FBXL4: variants seen among roughly 807,000 people sequenced by gnomAD.
The protein encoded by FBXL4 is F-box/LRR-repeat protein 4.
FBXL4 carries 40 observed loss-of-function variants against 58.9 expected under a neutral mutation model. The ratio of observed to expected loss-of-function variants is 0.68; its 90% CI spans 0.53 to 0.88. The LOEUF is 0.88. FBXL4 is among the 40% of genes least tolerant of loss of function. FBXL4 has a pLI of 0.00. For missense variants in FBXL4, 676 were observed against 734.4 expected (o/e 0.92, Z 0.92); for synonymous variants, 263 against 265.5 (o/e 0.99, Z 0.09).
chr6:98,938,038 AC>A (rs1773287950), intron 1 of FBXL4, among the ~76,000 whole-genome samples: 1 of 77,884 alleles, frequency 1.3e-5, no homozygotes, highest in Non-Finnish European at 2.6e-5. Context: ...CTCCCCCTGC[AC>A]CCTTTTTTTT....
chr6:98,915,289 T>G (rs1772293599), intron 5 of FBXL4, among the ~76,000 whole-genome samples: 1 of 152,124 alleles, frequency 6.6e-6, no homozygotes, highest in Non-Finnish European at 1.5e-5. Flanking sequence ...AAGCTACCAA[T>G]GAATTTCTTC....
chr6:98,947,025 A>T (rs560405436), intron 1 of FBXL4, among the ~76,000 whole-genome samples: 183 of 152,384 alleles, frequency 1.2e-3, no homozygotes, highest in Middle Eastern at 6.8e-3. Flanking sequence ...CAAAGCAAGC[A>T]GAGATCCCTG....
chr6:98,914,461 T>A (rs1268386846), intron 5 of FBXL4, among the ~76,000 whole-genome samples: 3 of 152,186 alleles, frequency 2.0e-5, no homozygotes, highest in African/African-American at 7.2e-5. Context: ...ATCAAAAAGC[T>A]TATCCACCAT....
Position 98,917,710 on chromosome 6 carries a change from A to G in FBXL4, c.522T>C (p.Ile174=), listed in dbSNP as rs2128401024. The G allele has an allele frequency of 6.3e-7, 1 of 1,593,746 alleles. No individual in the cohort carries two copies. The highest frequency in any genetic ancestry group is 1.8e-5 in the Admixed American group (1 of 55,742). The change falls in exon 5 of 10, where the codon ATT becomes ATC. Residue 174 remains isoleucine, a synonymous_variant. Transcript: ENST00000369244. ...CCTTCGTAGGTCTCTCTGACCAAAGAATCTCCCATCTGCCAAAAAAAGAAA... is the reference window on the plus strand; with the variant it reads ...CCTTCGTAGGTCTCTCTGACCAAAGGATCTCCCATCTGCCAAAAAAAGAAA... ...PNPPAEVRWE[I]LWSERPTKVN...
intron 7 of FBXL4, among the ~76,000 whole-genome samples, chr6:98,889,402 C>A (rs991464660): frequency 1.3e-5 from 2 of 152,250 alleles, no homozygotes; most frequent in Admixed American, 1.3e-4. Context: ...ACAATGACTA[C>A]AATGACTACT....
chr6:98,918,856 G>T (rs1772472604), intron 4 of FBXL4, among the ~76,000 whole-genome samples: 1 of 151,972 alleles, frequency 6.6e-6, no homozygotes, highest in African/African-American at 2.4e-5. Context: ...ATAATCTCTA[G>T]TTTCATAGTG....
chr6:98,904,185 T>A (rs984840679), intron 6 of FBXL4, among the ~76,000 whole-genome samples: 1 of 152,134 alleles, frequency 6.6e-6, no homozygotes, highest in Non-Finnish European at 1.5e-5. Flanking sequence ...TCTTTCTTGG[T>A]CCTATTAGCA....
Position 98,914,825 on chromosome 6 carries a change from T to G in FBXL4, c.858+2549A>C, listed in dbSNP as rs558001006. Among the ~76,000 whole-genome samples the G allele has an allele frequency of 2.4e-3, 364 of 152,212 alleles. 1 individual carries two copies. Among genetic ancestry groups the G allele is most frequent in the African/African-American group, 8.4e-3 (347 of 41,538 alleles). Reference sequence around the variant, plus strand: ...TGTTGGAAGTTCTGGCCAGGGCAATTAGGCAGGAGAAGGAAATAAAGGGTA... The same window carrying G: ...TGTTGGAAGTTCTGGCCAGGGCAATGAGGCAGGAGAAGGAAATAAAGGGTA... On this transcript the variant is annotated intron_variant, in intron 5 of 9. Transcript: ENST00000369244.
intron 5 of FBXL4, among the ~76,000 whole-genome samples, chr6:98,915,022 A>G (rs1369269530): frequency 2.0e-5 from 3 of 152,210 alleles, no homozygotes; most frequent in African/African-American, 7.2e-5. Context: ...TTATACACCA[A>G]TAACAGACAA....
At chr6:98,906,259 G>A (rs1160385736) in intron 5 of FBXL4, among the ~76,000 whole-genome samples, 1 of 151,598 alleles carries the variant, frequency 6.6e-6, no homozygotes, top group African/African-American at 2.4e-5. Flanking sequence ...AAGTGCCATG[G>A]TGTTTTGCTG....
At chr6:98,891,692 C>T (rs895645065) in intron 7 of FBXL4, among the ~76,000 whole-genome samples, 18 of 146,364 alleles carry the variant, frequency 1.2e-4, no homozygotes, top group African/African-American at 4.1e-4. Flanking sequence ...TGAGACCAGC[C>T]TGAGAAACAC....
Position 98,917,342 on chromosome 6 carries a change from TC to T in FBXL4, c.858+31del, listed in dbSNP as rs1390579292. 4 of 1,450,088 alleles carry T rather than the reference TC, an allele frequency of 2.8e-6. No individual in the cohort carries two copies. The African/African-American group carries it at 5.6e-5, about 20-fold the overall frequency. 89.8% of individuals were successfully genotyped at this position (1,450,088 alleles called of 1,614,324 possible). ...AAGATTAAAAATCTATAGTGTTATA[TC>T]CAATACTGCTGCTAAATATTTTTGG... On this transcript the variant is annotated intron_variant, in intron 5 of 9. Coordinates refer to ENST00000369244, the MANE Select transcript of FBXL4 (RefSeq NM_001278716.2).
chr6:98,875,191 C>A, intron 9 of FBXL4: 2 of 542,316 alleles, frequency 3.7e-6, no homozygotes, highest in Non-Finnish European at 6.5e-6. Context: ...TTTACAGTTT[C>A]AACTATAAAA....
At chr6:98,947,782 G>A (rs1380550043) in intron 1 of FBXL4, 24 bp downstream of exon 1, 7 of 152,224 alleles carry the variant, frequency 4.6e-5, no homozygotes, top group African/African-American at 1.4e-4. Context: ...CCCACGGGAG[G>A]GAGAAGTAAA....
At chr6:98,945,508 C>T (rs567405758) in intron 1 of FBXL4, among the ~76,000 whole-genome samples, 1 of 152,292 alleles carries the variant, frequency 6.6e-6, no homozygotes, top group Admixed American at 6.5e-5. Context: ...GGTGGGCACA[C>T]AGCACTTTCA....
intron 7 of FBXL4, among the ~76,000 whole-genome samples, chr6:98,882,566 A>G (rs1011231599): frequency 5.9e-5 from 9 of 152,082 alleles, no homozygotes; most frequent in Admixed American, 3.9e-4. Flanking sequence ...AATCTCAAAT[A>G]TACAAACAAG....
intron 5 of FBXL4, among the ~76,000 whole-genome samples, chr6:98,907,715 T>C (rs1481375710): frequency 6.6e-6 from 1 of 152,210 alleles, no homozygotes; most frequent in Non-Finnish European, 1.5e-5. Flanking sequence ...AGCTAAACTT[T>C]TTGTTTTGCA....
intron 7 of FBXL4, among the ~76,000 whole-genome samples, chr6:98,881,159 A>G (rs893876477): frequency 6.6e-6 from 1 of 152,168 alleles, no homozygotes; most frequent in Non-Finnish European, 1.5e-5. Context: ...TGACAAGGAT[A>G]CCAACAACCA....
chr6:98,902,758 A>T (rs1771661669), intron 6 of FBXL4, among the ~76,000 whole-genome samples: 1 of 152,102 alleles, frequency 6.6e-6, no homozygotes, highest in Non-Finnish European at 1.5e-5. Flanking sequence ...CAAAGCACAA[A>T]CAGGCAGGCA....
Sources: allele counts gnomAD v4.1 joint callset (sites outside exome capture counted in the v4.1 genomes callset), GRCh38; gene constraint gnomAD v4.1.1; transcripts MANE v1.5; gene names NCBI Gene and HGNC (gene_info 2026-07-23, HGNC 2026-07-21).